SIN3B: variants seen among roughly 807,000 people sequenced by gnomAD.
SIN3B encodes the protein SIN3 transcription regulator family member B.
A neutral mutation model predicts 120.2 loss-of-function variants in SIN3B; 19 were observed. The ratio of observed to expected loss-of-function variants is 0.16; its 90% CI spans 0.11 to 0.23. The LOEUF (loss-of-function observed/expected upper bound fraction) is 0.23. Among genes scored for constraint, SIN3B ranks in the 10% least tolerant of loss-of-function variants. The pLI, the probability that SIN3B is intolerant of heterozygous loss-of-function variation, is 1.00. For synonymous variants in SIN3B, 654 were observed against 653.2 expected (o/e 1.00, Z -0.02); for missense variants, 1,073 against 1,573.0 (o/e 0.68, Z 5.38).
At chr19:16,852,291 G>T (rs990165977) in intron 6 of SIN3B, among the ~76,000 whole-genome samples, 3 of 151,882 alleles carry the variant, frequency 2.0e-5, no homozygotes, top group African/African-American at 4.8e-5. Context: ...TTTCTCCTGT[G>T]GGGGGATGGG....
At chr19:16,854,986 A>G (rs753569327) in intron 8 of SIN3B, 16 of 152,196 alleles carry the variant, frequency 1.1e-4, no homozygotes, top group African/African-American at 2.4e-4. Context: ...TTATGTGTCA[A>G]TTAGCTTGTG....
chr19:16,834,014 C>T (rs1971313571), intron 3 of SIN3B, among the ~76,000 whole-genome samples: 1 of 152,126 alleles, frequency 6.6e-6, no homozygotes, highest in South Asian at 2.1e-4. Context: ...TGTGAGCCAC[C>T]GCACCCAGCT....
rs78908009 is a variant in SIN3B, at chr19:16,869,207, C to T, written c.1807-253C>T. Among the ~76,000 whole-genome samples, 9 of 152,234 alleles carry T rather than the reference C, an allele frequency of 5.9e-5. No individual in the cohort carries two copies. In the East Asian group the frequency reaches 1.5e-3, roughly 26 times the overall value. ...CTCAGAATCCTCTTGGCTCCTTTGT[C>T]TGGGGTCCCGGGATGACTTGGGTCT... On this transcript the variant is annotated intron_variant, in intron 12 of 18. Transcript: ENST00000248054.
intron 5 of SIN3B, among the ~76,000 whole-genome samples, chr19:16,850,535 AT>A (rs1971531319): frequency 6.6e-6 from 1 of 151,808 alleles, no homozygotes; most frequent in Non-Finnish European, 1.5e-5. Context: ...CTGCGGGCTG[AT>A]TTGTTCAGAT....
chr19:16,841,887 C>T lies in SIN3B; in HGVS notation c.501C>T (p.Ser167=). The T allele has an allele frequency of 6.2e-7, 1 of 1,614,078 alleles. No individual in the cohort carries two copies. Among genetic ancestry groups the T allele is most frequent in the South Asian group, 1.1e-5 (1 of 91,082 alleles). ...SDSVEFNNAI[S]YVNKIKTRFL... ...CCGTGGAATTCAACAACGCCATCAG[C>T]TATGTGAATAAGATTAAAACCCGCT... The change falls in exon 4 of 19, where the codon AGC becomes AGT. Residue 167 remains serine, a synonymous_variant. Coordinates refer to ENST00000248054, the MANE Select transcript of SIN3B (RefSeq NM_001297595.2).
chr19:16,850,966 C>T (rs959818039), intron 5 of SIN3B, among the ~76,000 whole-genome samples: 1 of 152,346 alleles, frequency 6.6e-6, no homozygotes, highest in Admixed American at 6.5e-5. Flanking sequence ...CAAAACCTGG[C>T]CCCAAGGCCC....
chr19:16,851,279 G>A (rs1179591110), intron 5 of SIN3B, 133 bp from the exon 6 acceptor site: 2 of 1,011,850 alleles, frequency 2.0e-6, no homozygotes, highest in African/African-American at 3.3e-5. Context: ...CGCATGGACG[G>A]AGCATCTGGC....
intron 5 of SIN3B, 120 bp downstream of exon 5, chr19:16,847,233 A>G: frequency 1.8e-6 from 2 of 1,119,518 alleles, no homozygotes; most frequent in Non-Finnish European, 2.5e-6. Context: ...AGGGTCCCCC[A>G]GAAGCTACGC....
At chr19:16,840,916 C>T (rs141081166) in intron 3 of SIN3B, among the ~76,000 whole-genome samples, 5 of 152,170 alleles carry the variant, frequency 3.3e-5, no homozygotes, top group African/African-American at 4.8e-5. Flanking sequence ...TAGGAGGTGG[C>T]GTCATTTTAC....
chr19:16,873,339 GC>G (rs1445590882), intron 14 of SIN3B, among the ~76,000 whole-genome samples: 2 of 152,124 alleles, frequency 1.3e-5, no homozygotes, highest in African/African-American at 4.8e-5. Context: ...CTTCGCTTCA[GC>G]CCCCTCCACT....
At position 16,869,538 on chromosome 19, in the gene SIN3B, A is replaced by G. The variant is rs773816761; in HGVS notation, c.1885A>G (p.Ile629Val). ...CATCTTTGTGTACGAGGACCGGCAGATCCTGGAGGACGCAGCAGCGCTCAT... is the reference window on the plus strand; with the variant it reads ...CATCTTTGTGTACGAGGACCGGCAGGTCCTGGAGGACGCAGCAGCGCTCAT... ...HLIFVYEDRQ[I>V]LEDAAALISY... Residue 629 changes from isoleucine to valine, a missense_variant, in exon 13 of 19, where the codon ATC becomes GTC. Physicochemically the swap from Ile to Val is conservative, Grantham distance 29. Coordinates refer to ENST00000248054, the MANE Select transcript of SIN3B (RefSeq NM_001297595.2). 5 of 1,613,810 alleles carry G rather than the reference A, an allele frequency of 3.1e-6. No individual in the cohort carries two copies. In the South Asian group the frequency reaches 5.5e-5, roughly 18 times the overall value.
chr19:16,837,819 T>C (rs1971366982), intron 3 of SIN3B, among the ~76,000 whole-genome samples: 1 of 152,008 alleles, frequency 6.6e-6, no homozygotes, highest in South Asian at 2.1e-4. Context: ...TCAGGATGCC[T>C]GATTCTCTGG....
chr19:16,875,960 G>T, intron 14 of SIN3B, 95 bp from the exon 15 acceptor site: 1 of 1,393,366 alleles, frequency 7.2e-7, no homozygotes, highest in Non-Finnish European at 9.6e-7. Context: ...TCTCCATCCT[G>T]ATGTGTTTCT....
At chr19:16,871,201 A>G in intron 13 of SIN3B, 28 bp from the exon 14 acceptor site, 1 of 1,613,918 alleles carries the variant, frequency 6.2e-7, no homozygotes, top group Non-Finnish European at 8.5e-7. Flanking sequence ...TCCAGGAGGC[A>G]TATGGATGAG....
At position 16,876,765 on chromosome 19, in the gene SIN3B, C is replaced by T. The variant is rs1057082150; in HGVS notation, c.2859+187C>T. ...CCCTGCTCCCCCACCAGGCTCTCTT[C>T]TGTGCCCCCTCTCCAAAGAGCAGAC... On this transcript the variant is annotated intron_variant, in intron 16 of 18. Coordinates refer to ENST00000248054, the MANE Select transcript of SIN3B (RefSeq NM_001297595.2). This position sits in a 1 kb window ranked among gnomAD's most constrained non-coding sequence, Gnocchi z 7.1. Among the ~76,000 whole-genome samples the T allele has an allele frequency of 6.6e-6, 1 of 152,164 alleles. No individual in the cohort carries two copies. Among genetic ancestry groups the T allele is most frequent in the African/African-American group, 2.4e-5 (1 of 41,452 alleles).
Position 16,876,697 on chromosome 19 carries a change from C to T in SIN3B, c.2859+119C>T. 1.3e-6 allele frequency: 1 copy of T among 743,392 alleles called. No homozygotes were observed. Among genetic ancestry groups the T allele is most frequent in the East Asian group, 2.8e-5 (1 of 35,996 alleles). The allele number at this position is 743,392 out of a possible 1,614,324, so 46.0% of individuals were successfully genotyped here. On this transcript the variant is annotated intron_variant, in intron 16 of 18. Coordinates refer to ENST00000248054, the MANE Select transcript of SIN3B (RefSeq NM_001297595.2). This position sits in a 1 kb window ranked among gnomAD's most constrained non-coding sequence, Gnocchi z 7.1. ...CATCCAGAGACCCTCCCTCTGCAGG[C>T]CACAGGCTCTCCTTGAGGCCTGGTG...
chr19:16,853,489 C>A (rs982795307), intron 7 of SIN3B, among the ~76,000 whole-genome samples: 1 of 152,252 alleles, frequency 6.6e-6, no homozygotes, highest in Admixed American at 6.5e-5. Flanking sequence ...GTGGGCAGAG[C>A]AGACAAGGTG....
intron 3 of SIN3B, among the ~76,000 whole-genome samples, chr19:16,840,605 G>C (rs1160663918): frequency 6.6e-6 from 1 of 152,204 alleles, no homozygotes; most frequent in African/African-American, 2.4e-5. Flanking sequence ...GGTGTGCCTG[G>C]CCTTGCCTGT....
At chr19:16,865,670 TCCCTTC>T (rs749852378) in intron 11 of SIN3B, 22 bp downstream of exon 11, 36 of 1,503,618 alleles carry the variant, frequency 2.4e-5, no homozygotes, top group East Asian at 4.7e-5. Flanking sequence ...CGTCCCGACT[TCCCTTC>T]CCCTTCCCCT....
Sources: gnomAD v4.1 joint callset for allele counts (sites outside exome capture counted in the v4.1 genomes callset) on GRCh38, gnomAD v4.1.1 for gene constraint, Gnocchi (gnomAD v3.1) non-coding constraint, MANE v1.5 for transcripts, NCBI Gene and HGNC (gene_info 2026-07-23, HGNC 2026-07-21) for gene names.